The following GFRAL variants were observed in gnomAD, a reference collection of about 807,000 sequenced individuals.
GFRAL encodes the protein GDNF family receptor alpha-like.
Under a neutral mutation model 45.4 loss-of-function variants are expected in GFRAL, and 36 were observed. The ratio of observed to expected loss-of-function variants is 0.79; its 90% CI spans 0.61 to 1.05. The LOEUF is 1.05. Among genes scored for constraint, GFRAL ranks in the 50% least tolerant of loss-of-function variants. GFRAL has a pLI of 0.00. For synonymous variants in GFRAL, 166 were observed against 154.1 expected (o/e 1.08, Z -0.57); for missense variants, 507 against 467.5 (o/e 1.08, Z -0.78).
intron 6 of GFRAL, among the ~76,000 whole-genome samples, chr6:55,394,274 G>GT (rs1581761622): frequency 6.6e-6 from 1 of 152,080 alleles, no homozygotes; most frequent in East Asian, 1.9e-4. Context: ...AAATGAATCT[G>GT]TAGTTTACTT....
At chr6:55,359,203 A>G in intron 6 of GFRAL, 65 bp downstream of exon 6, 6 of 1,336,528 alleles carry the variant, frequency 4.5e-6, no homozygotes, top group Non-Finnish European at 6.1e-6. Context: ...CTATCTATCT[A>G]TTTTGTTTTT....
chr6:55,394,942 G>T (rs1768802058), intron 6 of GFRAL, among the ~76,000 whole-genome samples: 1 of 151,732 alleles, frequency 6.6e-6, no homozygotes, highest in Non-Finnish European at 1.5e-5. Flanking sequence ...ATGAGAAAAG[G>T]AGCCAAAAAG....
chr6:55,336,147 T>G (rs114604159), intron 3 of GFRAL, among the ~76,000 whole-genome samples: 1,946 of 152,300 alleles, frequency 0.013, 21 homozygotes, highest in Non-Finnish European at 0.022. Context: ...TTTCGCCATG[T>G]TGGCCAGGCT....
chr6:55,350,933 T>A (rs1768108158), intron 4 of GFRAL, among the ~76,000 whole-genome samples: 1 of 152,104 alleles, frequency 6.6e-6, no homozygotes, highest in Non-Finnish European at 1.5e-5. Flanking sequence ...ATAGTTCAAA[T>A]GCAATTTCTG....
chr6:55,401,250 G>A (rs766140512), intron 8 of GFRAL, among the ~76,000 whole-genome samples: 1 of 151,698 alleles, frequency 6.6e-6, no homozygotes, highest in Non-Finnish European at 1.5e-5. Flanking sequence ...ATGTGTAATC[G>A]GAAAACTCCA....
chr6:55,342,897 C>T (rs1324621685), intron 3 of GFRAL, among the ~76,000 whole-genome samples: 5 of 152,092 alleles, frequency 3.3e-5, no homozygotes, highest in Non-Finnish European at 7.3e-5. Context: ...ATAAAACAGA[C>T]TTTAAAACAA....
intron 6 of GFRAL, among the ~76,000 whole-genome samples, chr6:55,383,839 A>G (rs1275245275): frequency 1.3e-5 from 2 of 152,000 alleles, no homozygotes; most frequent in African/African-American, 4.8e-5. Flanking sequence ...TTGCTTGTCC[A>G]GGTACCACAC....
intron 6 of GFRAL, among the ~76,000 whole-genome samples, chr6:55,367,573 C>T (rs992771651): frequency 1.3e-5 from 2 of 151,288 alleles, no homozygotes; most frequent in South Asian, 2.1e-4. Flanking sequence ...TTTGCAGCAG[C>T]TGGTACCGGT....
At chr6:55,400,657 C>T (rs1464054414) in intron 8 of GFRAL, among the ~76,000 whole-genome samples, 3 of 79,618 alleles carry the variant, frequency 3.8e-5, no homozygotes, top group Non-Finnish European at 6.4e-5. Context: ...CACTGCTTTT[C>T]TCCAAGGCCT....
chr6:55,331,928 CCTAAGAA>C (rs1268625208), intron 2 of GFRAL, 79 bp downstream of exon 2: 134 of 1,354,370 alleles, frequency 9.9e-5, no homozygotes, highest in Non-Finnish European at 1.3e-4. Context: ...TTGTCATTAT[CCTAAGAA>C]CTAAGTTTTT....
chr6:55,365,217 C>T (rs1344325204), intron 6 of GFRAL, among the ~76,000 whole-genome samples: 1 of 145,956 alleles, frequency 6.9e-6, no homozygotes, highest in Non-Finnish European at 1.5e-5. Context: ...AATGGGAGTT[C>T]ACTCTTGATT....
chr6:55,359,186 C>CTATCT (rs1554188844), intron 6 of GFRAL, 48 bp downstream of exon 6: 354 of 1,449,778 alleles, frequency 2.4e-4, no homozygotes, highest in African/African-American at 3.3e-4. Flanking sequence ...ATCTATCTAT[C>CTATCT]ATCTATCTAT....
chr6:55,381,267 A>T (rs182031861), intron 6 of GFRAL, among the ~76,000 whole-genome samples: 44 of 151,928 alleles, frequency 2.9e-4, no homozygotes, highest in African/African-American at 9.2e-4. Flanking sequence ...CCTCCTCAAA[A>T]TGTATATAGT....
intron 6 of GFRAL, among the ~76,000 whole-genome samples, chr6:55,398,780 A>C (rs1385884962): frequency 6.6e-6 from 1 of 152,218 alleles, no homozygotes; most frequent in African/African-American, 2.4e-5. Flanking sequence ...GGAAAAAAGC[A>C]AAACTAGGTA....
At chr6:55,393,353 T>C (rs888999287) in intron 6 of GFRAL, among the ~76,000 whole-genome samples, 12 of 152,208 alleles carry the variant, frequency 7.9e-5, no homozygotes, top group African/African-American at 2.9e-4. Context: ...TTTGTTTGCC[T>C]AACCCATAAA....
intron 3 of GFRAL, among the ~76,000 whole-genome samples, chr6:55,344,775 T>A (rs981392876): frequency 6.6e-6 from 1 of 152,200 alleles, no homozygotes; most frequent in Non-Finnish European, 1.5e-5. Flanking sequence ...ATGACATGAC[T>A]GTATATTTAG....
At chr6:55,364,393 G>T (rs1310146973) in intron 6 of GFRAL, among the ~76,000 whole-genome samples, 2 of 148,276 alleles carry the variant, frequency 1.3e-5, no homozygotes, top group Non-Finnish European at 3.0e-5. Context: ...TAGGTTGCCT[G>T]TTCACTCTGA....
At chr6:55,345,350 A>C (rs1228686507) in intron 3 of GFRAL, among the ~76,000 whole-genome samples, 1 of 152,196 alleles carries the variant, frequency 6.6e-6, no homozygotes, top group African/African-American at 2.4e-5. Flanking sequence ...ACAGAGATAT[A>C]GACTAATGGA....
At chr6:55,345,115 C>A (rs1173010145) in intron 3 of GFRAL, among the ~76,000 whole-genome samples, 2 of 152,102 alleles carry the variant, frequency 1.3e-5, no homozygotes, top group African/African-American at 4.8e-5. Context: ...GGCCATACTG[C>A]CCAAGGTAAT....
Sources: allele counts gnomAD v4.1 joint callset (sites outside exome capture counted in the v4.1 genomes callset), GRCh38; gene constraint gnomAD v4.1.1; transcripts MANE v1.5; gene names NCBI Gene and HGNC (gene_info 2026-07-23, HGNC 2026-07-21).